Variants in NCOR2 observed in about 807,000 individuals in gnomAD.
The protein encoded by NCOR2 is nuclear receptor corepressor 2, also known as CTG repeat protein 26.
NCOR2 carries 81 observed loss-of-function variants against 262.9 expected under a neutral mutation model. That is an observed-to-expected ratio of 0.31 (90% CI 0.26 to 0.37). NCOR2 has a LOEUF of 0.37. NCOR2 is among the 10% of genes least tolerant of loss of function. The pLI is 1.00. For synonymous variants in NCOR2, 1,659 were observed against 1,559.3 expected (o/e 1.06, Z -1.51); for missense variants, 3,385 against 3,621.4 (o/e 0.93, Z 1.68).
At chr12:124,565,018 G>A (rs2052189615) in intron 1 of NCOR2, among the ~76,000 whole-genome samples, 1 of 151,856 alleles carries the variant, frequency 6.6e-6, no homozygotes, top group African/African-American at 2.4e-5. Flanking sequence ...GAGGTGGCAT[G>A]AGTATTATTA....
intron 13 of NCOR2, among the ~76,000 whole-genome samples, chr12:124,414,556 T>C (rs2042758891): frequency 6.6e-6 from 1 of 152,152 alleles, no homozygotes; most frequent in Non-Finnish European, 1.5e-5. Flanking sequence ...CCAATGCATA[T>C]TGGCTGAGAT....
At chr12:124,349,970 G>C (rs922137232) in intron 28 of NCOR2, among the ~76,000 whole-genome samples, 3 of 152,182 alleles carry the variant, frequency 2.0e-5, no homozygotes, top group Non-Finnish European at 2.9e-5. Flanking sequence ...CCTGGGGAGG[G>C]GGCTGCGGGC....
Position 124,548,668 on chromosome 12 carries a change from G to T in NCOR2, c.-164-13057C>A, listed in dbSNP as rs946910416. Among the ~76,000 whole-genome samples, 2 of 151,870 alleles carry T rather than the reference G, an allele frequency of 1.3e-5. No individual in the cohort carries two copies. The highest frequency in any genetic ancestry group is 1.3e-4 in the Admixed American group (2 of 15,256). ...TTATTTTTTTCTGTGCTGTTAGGGCGGGGCGGGGGATCTCCATGGCAGGGT... is the reference window on the plus strand; with the variant it reads ...TTATTTTTTTCTGTGCTGTTAGGGCTGGGCGGGGGATCTCCATGGCAGGGT... On this transcript the variant is annotated intron_variant, in intron 1 of 32. Transcript: ENST00000458234. The surrounding 1 kb of genome is among the most constrained non-coding windows in gnomAD (Gnocchi z 5.1).
intron 16 of NCOR2, among the ~76,000 whole-genome samples, chr12:124,395,699 G>C (rs372933961): frequency 6.6e-6 from 1 of 152,132 alleles, no homozygotes; most frequent in Admixed American, 6.5e-5. Context: ...GGGCGGTGGG[G>C]GCGGGGGTGG....
chr12:124,384,527 G>A (rs1028972248), intron 17 of NCOR2, among the ~76,000 whole-genome samples: 3 of 152,166 alleles, frequency 2.0e-5, no homozygotes, highest in Admixed American at 6.5e-5. Context: ...GTGGCCCCTC[G>A]GTCCCGGAGC....
chr12:124,417,925 G>A (rs2042996547), intron 13 of NCOR2, among the ~76,000 whole-genome samples: 1 of 152,092 alleles, frequency 6.6e-6, no homozygotes, highest in Non-Finnish European at 1.5e-5. Context: ...GCAGGATGCA[G>A]TGGCACGCAC....
At chr12:124,335,202 G>C in exon 40 of NCOR2, 2 of 1,611,138 alleles carry the variant, frequency 1.2e-6, no homozygotes, top group Non-Finnish European at 1.7e-6. Context: ...CTGGAGCAGC[G>C]GGCTGGACGA....
intron 22 of NCOR2, among the ~76,000 whole-genome samples, chr12:124,360,216 G>A (rs972499533): frequency 7.9e-5 from 12 of 152,312 alleles, no homozygotes; most frequent in South Asian, 2.1e-4. Context: ...AACCTGCAAC[G>A]TCTCCCAGAG....
At chr12:124,346,841 C>A in exon 31 of NCOR2, 2 of 1,574,182 alleles carry the variant, frequency 1.3e-6, no homozygotes, top group Admixed American at 1.8e-5. Context: ...CACGTAGGAC[C>A]GAGGGATCCC....
At chr12:124,345,378 G>T (rs919786133) in intron 31 of NCOR2, among the ~76,000 whole-genome samples, 1 of 152,040 alleles carries the variant, frequency 6.6e-6, no homozygotes, top group Non-Finnish European at 1.5e-5. Context: ...AATACTACCC[G>T]CCCTGAGGCT....
Position 124,333,114 on chromosome 12 carries a change from G to C in NCOR2, c.6755+16C>G. 1.3e-6 allele frequency: 2 copies of C among 1,589,916 alleles called. No individual in the cohort carries two copies. The highest frequency in any genetic ancestry group is 1.7e-6 in the Non-Finnish European group (2 of 1,166,154). ...CCAGAGCATCCCGGGGGCAGCGCAT[G>C]TGCCCACAGAAGTACCTGGGCTCCG... On this transcript the variant is annotated intron_variant, in intron 42 of 46. Coordinates refer to ENST00000405201, the Ensembl canonical transcript of NCOR2.
Position 124,413,758 on chromosome 12 carries a change from C to T in NCOR2, c.1482+6199G>A, listed in dbSNP as rs371108901. 5.3e-5 allele frequency among the ~76,000 whole-genome samples: 8 copies of T among 152,090 alleles called. No individual in the cohort carries two copies. In the East Asian group the frequency reaches 9.7e-4, roughly 18 times the overall value. On this transcript the variant is annotated intron_variant, in intron 13 of 46. Coordinates refer to ENST00000405201, the Ensembl canonical transcript of NCOR2. ...ACAGAGATGGGGAGGAGAGACAAGG[C>T]GGGAGAGAGGGAGATGAGGAAGAGC...
intron 37 of NCOR2, among the ~76,000 whole-genome samples, chr12:124,339,408 C>A (rs1447454163): frequency 6.6e-6 from 1 of 151,106 alleles, no homozygotes; most frequent in Non-Finnish European, 1.5e-5. Flanking sequence ...ACCTACCACC[C>A]ACCCACCCAC....
At chr12:124,474,174 T>TACCC (rs2046972665) in intron 3 of NCOR2, among the ~76,000 whole-genome samples, 1 of 152,170 alleles carries the variant, frequency 6.6e-6, no homozygotes. Context: ...TCTGTAAACA[T>TACCC]TCATCCATGA....
chr12:124,384,453 A>T (rs1289109565), intron 17 of NCOR2, among the ~76,000 whole-genome samples: 1 of 152,168 alleles, frequency 6.6e-6, no homozygotes, highest in Non-Finnish European at 1.5e-5. Context: ...ACTGGAAGTG[A>T]TGGGGAGGGG....
chr12:124,356,670 G>C (rs1223030339), exon 23 of NCOR2: 3 of 1,465,698 alleles, frequency 2.0e-6, no homozygotes, highest in Non-Finnish European at 2.7e-6. Flanking sequence ...AGGCTGAGGG[G>C]TCCGGGGCAT....
rs144097522 is a variant in NCOR2, at chr12:124,329,053, T to C, written c.6959-1420A>G. 2.2e-3 allele frequency: 1,003 copies of C among 465,776 alleles called. 6 individuals are homozygous for C. Among genetic ancestry groups the C allele is most frequent in the Non-Finnish European group, 8.3e-4 (186 of 225,444 alleles). The allele number at this position is 465,776 out of a possible 1,614,324, so 28.9% of individuals were successfully genotyped here. A position where few individuals can be genotyped will look rare whatever the true frequency, so the allele number is the denominator to read the frequency against. On this transcript the variant is annotated intron_variant, in intron 44 of 46. Transcript: ENST00000405201. ...CCAAGGCCACGAGTCCGTGACCTGA[T>C]GGAGCTGGCTCCAGGCTTAACGATC...
At chr12:124,494,869 G>A (rs749337133) in intron 1 of NCOR2, among the ~76,000 whole-genome samples, 20 of 152,324 alleles carry the variant, frequency 1.3e-4, no homozygotes, top group South Asian at 8.3e-4. Context: ...CCACATTCGC[G>A]TGCCAATCCC....
chr12:124,358,085 A>AGG (rs144126565), intron 22 of NCOR2, among the ~76,000 whole-genome samples: 1 of 129,468 alleles, frequency 7.7e-6, no homozygotes. Flanking sequence ...GTAACCTGTG[A>AGG]TGTGTGTGTG....
Sources: gnomAD v4.1 joint callset for allele counts (sites outside exome capture counted in the v4.1 genomes callset) on GRCh38, gnomAD v4.1.1 for gene constraint, Gnocchi (gnomAD v3.1) non-coding constraint, MANE v1.5 for transcripts, NCBI Gene and HGNC (gene_info 2026-07-23, HGNC 2026-07-21) for gene names.